Variants in RAD1 observed in about 807,000 individuals in gnomAD.
RAD1 encodes the protein RAD1 checkpoint DNA exonuclease.
A neutral mutation model predicts 30.0 loss-of-function variants in RAD1; 21 were observed. The ratio of observed to expected loss-of-function variants is 0.70; its 90% CI spans 0.50 to 1.01. The LOEUF (loss-of-function observed/expected upper bound fraction) is 1.01. Among genes scored for constraint, RAD1 ranks in the 50% least tolerant of loss-of-function variants. RAD1 has a pLI of 0.00. For missense variants in RAD1, 329 were observed against 329.0 expected, an observed-to-expected ratio of 1.00 and a Z score of 0.00; for synonymous variants, 109 against 113.6, an observed-to-expected ratio of 0.96 and a Z score of 0.26.
At chr5:34,911,259 T>C (rs1373990329) in intron 4 of RAD1, among the ~76,000 whole-genome samples, 3 of 152,182 alleles carry the variant, frequency 2.0e-5, no homozygotes, top group Non-Finnish European at 4.4e-5. Context: ...TTCCTCATGA[T>C]GTAACCTGAT....
intron 3 of RAD1, 28 bp from the exon 4 acceptor site, chr5:34,911,840 C>G (rs1471217590): frequency 6.2e-7 from 1 of 1,610,676 alleles, no homozygotes; most frequent in East Asian, 2.2e-5. Flanking sequence ...CATACTTGGC[C>G]TTAGCTTTAT....
At chr5:34,913,600 A>G in intron 2 of RAD1, 22 bp from the exon 3 acceptor site, 1 of 1,423,198 alleles carries the variant, frequency 7.0e-7, no homozygotes, top group Non-Finnish European at 9.7e-7. Flanking sequence ...GTAAAAATGA[A>G]AATTGTTACA....
Position 34,905,624 on chromosome 5 carries a change from C to T in RAD1, c.*3141G>A, listed in dbSNP as rs1284253892. The T allele has an allele frequency of 6.6e-6, 1 of 151,742 alleles. No individual in the cohort carries two copies. Among genetic ancestry groups the T allele is most frequent in the Admixed American group, 6.6e-5 (1 of 15,240 alleles). The allele number at this position is 151,742 out of a possible 1,614,324, so 9.4% of individuals were successfully genotyped here. A position where few individuals can be genotyped will look rare whatever the true frequency, so the allele number is the denominator to read the frequency against. On this transcript the variant is annotated 3_prime_UTR_variant, in exon 6 of 6. Coordinates refer to ENST00000382038, the MANE Select transcript of RAD1 (RefSeq NM_002853.4). ...AAAGATTATCCATTCACAGTAAGCA[C>T]CATTTTACTAGAAAGAGAGATAAAC...
Position 34,914,867 on chromosome 5 carries a change from T to G in RAD1, c.26A>C (p.Gln9Pro). 1 of 1,614,142 alleles carries G rather than the reference T, an allele frequency of 6.2e-7. No individual in the cohort carries two copies. The highest frequency in any genetic ancestry group is 8.5e-7 in the Non-Finnish European group (1 of 1,180,034). The change falls in exon 2 of 6, where the codon CAA becomes CCA. Residue 9 changes from glutamine (Q) to proline (P), a missense_variant. Coordinates refer to ENST00000382038, the MANE Select transcript of RAD1 (RefSeq NM_002853.4). MPLLTQQI[Q>P]DEDDQYSLVA... ...AAGGCTGTACTGATCATCCTCGTCT[T>G]GGATCTGTTGGGTCAGAAGGGGCAT...
rs747040505 is a variant in RAD1 at position 34,907,678 on chromosome 5, GCAAA to G, written c.*1083_*1086del. 9 of 152,154 alleles carry G rather than the reference GCAAA, an allele frequency of 5.9e-5. No homozygotes were observed. Among genetic ancestry groups the G allele is most frequent in the Non-Finnish European group, 1.0e-4 (7 of 68,022 alleles). The allele number at this position is 152,154 out of a possible 1,614,324, so 9.4% of individuals were successfully genotyped here. A position where few individuals can be genotyped will look rare whatever the true frequency, so the allele number is the denominator to read the frequency against. ...TAAGTACTGATTGCAGTTACTTACA[GCAAA>G]CAGTTTTGAGAAGAAGAAGAAAACC... is the stretch of plus-strand genomic sequence containing the variant. On this transcript the variant is annotated 3_prime_UTR_variant, in exon 6 of 6. Transcript: ENST00000382038.
chr5:34,908,688 T>C lies in RAD1; in HGVS notation c.*77A>G. ...TCTCTATAGAAAATCCAATATGAAATGACAAAGAGTACTGTACTCAGAATA... is the reference window on the plus strand; with the variant it reads ...TCTCTATAGAAAATCCAATATGAAACGACAAAGAGTACTGTACTCAGAATA... On this transcript the variant is annotated 3_prime_UTR_variant, in exon 6 of 6. Coordinates refer to ENST00000382038, the MANE Select transcript of RAD1 (RefSeq NM_002853.4). 6 of 1,298,442 alleles carry C rather than the reference T, an allele frequency of 4.6e-6. No homozygotes were observed. Among genetic ancestry groups the C allele is most frequent in the Non-Finnish European group, 6.4e-6 (6 of 944,048 alleles). The allele number at this position is 1,298,442 out of a possible 1,614,324, so 80.4% of individuals were successfully genotyped here. A position where few individuals can be genotyped will look rare whatever the true frequency, so the allele number is the denominator to read the frequency against.
At position 34,913,534 on chromosome 5, in the gene RAD1, A is replaced by C. The variant is rs749723995; in HGVS notation, c.243T>G (p.Thr81=). 6.2e-7 allele frequency: 1 copy of C among 1,605,312 alleles called. No homozygotes were observed. Among genetic ancestry groups the C allele is most frequent in the African/African-American group, 1.3e-5 (1 of 74,580 alleles). The change falls in exon 3 of 6, where the codon ACT becomes ACG. Residue 81 remains threonine, a synonymous_variant. Coordinates refer to ENST00000382038, the MANE Select transcript of RAD1 (RefSeq NM_002853.4). The stretch of plus-strand genomic sequence containing the variant: ...AAAGGACAGTTAAATTAATTCGAAA[A>C]GTAACAGACTCTTCCTGAACTTTAA... ...QEFKVQEESV[T]FRINLTVLLD... is the part of the protein sequence containing the mutation.
chr5:34,909,240 T>A lies in RAD1; in HGVS notation c.665+18A>T. On this transcript the variant is annotated intron_variant, in intron 5 of 5. Transcript: ENST00000382038. Reference sequence around the variant, plus strand: ...CTCCTCTTTATCACCAATGACAACCTCTATATTAAGAACTGACCTGTTGAC... The same window carrying A: ...CTCCTCTTTATCACCAATGACAACCACTATATTAAGAACTGACCTGTTGAC... The A allele has an allele frequency of 6.5e-7, 1 of 1,538,726 alleles. No individual in the cohort carries two copies. The highest frequency in any genetic ancestry group is 1.2e-5 in the South Asian group (1 of 86,640).
At position 34,911,780 on chromosome 5, in the gene RAD1, C is replaced by G. The variant is rs1364222047; in HGVS notation, c.340G>C (p.Gly114Arg). 2 of 1,614,130 alleles carry G rather than the reference C, an allele frequency of 1.2e-6. No homozygotes were observed. Among genetic ancestry groups the G allele is most frequent in the Non-Finnish European group, 1.7e-6 (2 of 1,180,014 alleles). The change falls in exon 4 of 6, where the codon GGT becomes CGT. Residue 114 changes from glycine (G) to arginine (R), a missense_variant. Physicochemically the swap from Gly to Arg is moderately radical, Grantham distance 125. Coordinates refer to ENST00000382038, the MANE Select transcript of RAD1 (RefSeq NM_002853.4). ...AACAGCATCAAAGGGTAACCATAAC[C>G]TTGGTAACACATTCGAAGTGCAGTT... Reference protein sequence around the residue: ...TLTALRMCYQGYGYPLMLFLE... With the variant: ...TLTALRMCYQRYGYPLMLFLE...
rs759296849 is a variant in RAD1 at position 34,914,807 on chromosome 5, G to A, written c.86C>T (p.Thr29Ile). ...TCGGAAATGAATAGCTTTCAAGATA[G>A]TGGAGAGATTCCTAACGTTGTCAAG... ...ASLDNVRNLSTILKAIHFREH... is the reference protein window; with the variant it reads ...ASLDNVRNLSIILKAIHFREH... The change falls in exon 2 of 6, where the codon ACT becomes ATT. Residue 29 changes from threonine (T) to isoleucine (I), a missense_variant. Thr to Ile is a moderately conservative substitution (Grantham distance 89). Coordinates refer to ENST00000382038, the MANE Select transcript of RAD1 (RefSeq NM_002853.4). The A allele has an allele frequency of 1.2e-6, 2 of 1,614,242 alleles. No individual in the cohort carries two copies. The highest frequency in any genetic ancestry group is 1.3e-5 in the African/African-American group (1 of 75,060).
rs2308957 is a variant in RAD1 at position 34,911,779 on chromosome 5, C to T, written c.341G>A (p.Gly114Asp). ...TLTALRMCYQ[G>D]YGYPLMLFLE... is the part of the protein sequence containing the mutation. The stretch of plus-strand genomic sequence containing the variant: ...GAACAGCATCAAAGGGTAACCATAA[C>T]CTTGGTAACACATTCGAAGTGCAGT... The change falls in exon 4 of 6, where the codon GGT becomes GAT. Residue 114 changes from glycine (G) to aspartate (D), a missense_variant. Gly to Asp is a moderately conservative substitution (Grantham distance 94). Coordinates refer to ENST00000382038, the MANE Select transcript of RAD1 (RefSeq NM_002853.4). 10,420 of 1,614,138 alleles carry T rather than the reference C, an allele frequency of 6.5e-3. 45 individuals carry two copies. The highest frequency in any genetic ancestry group is 6.8e-3 in the Non-Finnish European group (8,014 of 1,180,010).
rs1763622729 is a variant in RAD1, at chr5:34,905,585, T to G, written c.*3180A>C. On this transcript the variant is annotated 3_prime_UTR_variant, in exon 6 of 6. Transcript: ENST00000382038. The stretch of plus-strand genomic sequence containing the variant: ...CATCATCGAATGGGAAATCAACAAA[T>G]GAAAAATGAAAAAAAAGATTATCCA... 1 of 151,262 alleles carries G rather than the reference T, an allele frequency of 6.6e-6. No homozygotes were observed. Among genetic ancestry groups the G allele is most frequent in the African/African-American group, 2.4e-5 (1 of 41,154 alleles). The allele number at this position is 151,262 out of a possible 1,614,324, so 9.4% of individuals were successfully genotyped here. A position where few individuals can be genotyped will look rare whatever the true frequency, so the allele number is the denominator to read the frequency against.
chr5:34,911,438 A>G, intron 4 of RAD1, 116 bp downstream of exon 4: 1 of 1,275,228 alleles, frequency 7.8e-7, no homozygotes, highest in Middle Eastern at 2.7e-4. Context: ...CAAGCTGTCT[A>G]AAGTTGTGAA....
rs925623633 is a variant in RAD1, at chr5:34,907,880, A to C, written c.*885T>G. ...CATCTCATACAATTAAATGCTATTA[A>C]AGAAAAAAAAAGTTTCCTTTAAAAC... is the stretch of plus-strand genomic sequence containing the variant. On this transcript the variant is annotated 3_prime_UTR_variant, in exon 6 of 6. Coordinates refer to ENST00000382038, the MANE Select transcript of RAD1 (RefSeq NM_002853.4). 1 of 152,202 alleles carries C rather than the reference A, an allele frequency of 6.6e-6. No individual in the cohort carries two copies. Among genetic ancestry groups the C allele is most frequent in the Non-Finnish European group, 1.5e-5 (1 of 68,040 alleles). 9.4% of individuals were successfully genotyped at this position (152,202 alleles called of 1,614,324 possible).
At chr5:34,910,411 G>A (rs1252424734) in intron 4 of RAD1, among the ~76,000 whole-genome samples, 1 of 151,478 alleles carries the variant, frequency 6.6e-6, no homozygotes, top group African/African-American at 2.4e-5. Flanking sequence ...CATGACAAGG[G>A]CCTGTGATTC....
Position 34,911,679 on chromosome 5 carries a change from G to A in RAD1, c.441C>T (p.Phe147=), listed in dbSNP as rs762210840. ...TTTTATTAATAACATTGGTGCTGCA[G>A]AAATCAAAGTCCAGGGTCTCCTCAG... ...QEPEETLDFD[F]CSTNVINKII... The change falls in exon 4 of 6, where the codon TTC becomes TTT. Residue 147 remains phenylalanine, a synonymous_variant. Transcript: ENST00000382038. The A allele has an allele frequency of 2.5e-6, 4 of 1,614,026 alleles. No individual in the cohort carries two copies. The highest frequency in any genetic ancestry group is 2.5e-6 in the Non-Finnish European group (3 of 1,180,046).
Position 34,907,064 on chromosome 5 carries a change from G to C in RAD1, c.*1701C>G, listed in dbSNP as rs4703484. The C allele has an allele frequency of 1.3e-5, 2 of 152,114 alleles. No homozygotes were observed. Among genetic ancestry groups the C allele is most frequent in the Non-Finnish European group, 2.9e-5 (2 of 68,034 alleles). 9.4% of individuals were successfully genotyped at this position (152,114 alleles called of 1,614,324 possible). A position where few individuals can be genotyped will look rare whatever the true frequency, so the allele number is the denominator to read the frequency against. On this transcript the variant is annotated 3_prime_UTR_variant, in exon 6 of 6. Coordinates refer to ENST00000382038, the MANE Select transcript of RAD1 (RefSeq NM_002853.4). ...TTGAGACACTTACTAGTTATCAGGT[G>C]CTGACCCTGGCCACCTCCCAGAATT...
At position 34,914,739 on chromosome 5, in the gene RAD1, T is replaced by C. The variant is rs986705893; in HGVS notation, c.154A>G (p.Thr52Ala). The change falls in exon 2 of 6, where the codon ACA (threonine) becomes GCA (alanine). Residue 52 changes from threonine to alanine, a missense_variant. Coordinates refer to ENST00000382038, the MANE Select transcript of RAD1 (RefSeq NM_002853.4). ...TGCACACACTTTGCATTTTCCACTG[T>C]TACTTTGATACCATTTTTAGTTGCG... ...CFATKNGIKV[T>A]VENAKCVQAN... The C allele has an allele frequency of 1.9e-6, 3 of 1,614,228 alleles. No individual in the cohort carries two copies. The Admixed American group carries it at 5.0e-5, about 27-fold the overall frequency.
At chr5:34,914,605 T>TA (rs1763978266) in intron 2 of RAD1, 90 bp downstream of exon 2, 1 of 1,198,756 alleles carries the variant, frequency 8.3e-7, no homozygotes, top group African/African-American at 1.5e-5. Context: ...TTATGACTAT[T>TA]AAGTTATTTT....
Sources: gnomAD v4.1 joint callset for allele counts (sites outside exome capture counted in the v4.1 genomes callset) on GRCh38, gnomAD v4.1.1 for gene constraint, MANE v1.5 for transcripts, NCBI Gene and HGNC (gene_info 2026-07-23, HGNC 2026-07-21) for gene names.